Variants in DHRS7C observed in about 807,000 individuals in gnomAD.
The protein encoded by DHRS7C is dehydrogenase/reductase 7C.
Under a neutral mutation model 29.6 loss-of-function variants are expected in DHRS7C, and 28 were observed. That is an observed-to-expected ratio of 0.95 (90% CI 0.70 to 1.30). The LOEUF (loss-of-function observed/expected upper bound fraction) is 1.30, where lower values mean the gene tolerates loss of function less well. DHRS7C is among the 50% of genes most tolerant of loss of function. DHRS7C has a pLI of 0.00. For synonymous variants in DHRS7C, 158 were observed against 160.2 expected (o/e 0.99, Z 0.10); for missense variants, 403 against 393.3 (o/e 1.02, Z -0.21).
rs117075982 is a variant in DHRS7C at position 9,774,015 on chromosome 17, G to A, written c.572-1093C>T. 0.063 allele frequency among the ~76,000 whole-genome samples: 9,609 copies of A among 152,190 alleles called. 399 individuals are homozygous for A. The highest frequency in any genetic ancestry group is 0.094 in the Non-Finnish European group (6,421 of 67,992). On this transcript the variant is annotated intron_variant, in intron 4 of 5. Coordinates refer to ENST00000571134, the MANE Select transcript of DHRS7C (RefSeq NM_001105571.3). The surrounding 1 kb of genome is among the most constrained non-coding windows in gnomAD (Gnocchi z 5.0). ...TGGGATTACAGGCGTGAGCCACCACGCCCAGCAAAACCATGCACTTTAAAC... is the reference window on the plus strand; with the variant it reads ...TGGGATTACAGGCGTGAGCCACCACACCCAGCAAAACCATGCACTTTAAAC...
chr17:9,784,467 A>G (rs1353295882), intron 1 of DHRS7C, among the ~76,000 whole-genome samples: 1 of 152,118 alleles, frequency 6.6e-6, no homozygotes, highest in Non-Finnish European at 1.5e-5. Flanking sequence ...GTGAGACTCC[A>G]TCTCAAAAAA....
chr17:9,782,547 G>A (rs2066398928), intron 1 of DHRS7C, among the ~76,000 whole-genome samples: 1 of 115,076 alleles, frequency 8.7e-6, no homozygotes, highest in African/African-American at 2.8e-5. Context: ...GTCACTGATG[G>A]GGCTGCCCTC....
chr17:9,790,984 T>G, intron 1 of DHRS7C, 147 bp downstream of exon 1: 1 of 995,748 alleles, frequency 1.0e-6, no homozygotes, highest in Non-Finnish European at 1.4e-6. Flanking sequence ...ACTTGCTGGT[T>G]AATGATAGAA....
At chr17:9,776,325 A>T (rs2066362380) in intron 4 of DHRS7C, among the ~76,000 whole-genome samples, 1 of 152,208 alleles carries the variant, frequency 6.6e-6, no homozygotes, top group African/African-American at 2.4e-5. Flanking sequence ...AGCCAGGGAG[A>T]AGGGTCCCAG....
In DHRS7C at chr17:9,774,763, G is replaced by C. The variant is rs1037621442; in HGVS notation, c.572-1841C>G. Among the ~76,000 whole-genome samples the C allele has an allele frequency of 1.3e-5, 2 of 152,156 alleles. No homozygotes were observed. Among genetic ancestry groups the C allele is most frequent in the Non-Finnish European group, 2.9e-5 (2 of 68,038 alleles). ...TGCTCAGGGACACTGAATTCCTTTT[G>C]GGTGGTCAAAAGAAACCTCTGAGTC... is the stretch of plus-strand genomic sequence containing the variant. On this transcript the variant is annotated intron_variant, in intron 4 of 5. Coordinates refer to ENST00000571134, the MANE Select transcript of DHRS7C (RefSeq NM_001105571.3). This position sits in a 1 kb window ranked among gnomAD's most constrained non-coding sequence, Gnocchi z 5.0.
intron 1 of DHRS7C, among the ~76,000 whole-genome samples, chr17:9,787,311 C>A (rs958670685): frequency 1.3e-5 from 2 of 152,200 alleles, no homozygotes; most frequent in Non-Finnish European, 2.9e-5. Flanking sequence ...CCAGATCAAA[C>A]CTCTGGCCTT....
intron 1 of DHRS7C, among the ~76,000 whole-genome samples, chr17:9,786,476 A>G (rs889072785): frequency 3.5e-4 from 53 of 151,878 alleles, no homozygotes; most frequent in African/African-American, 1.2e-3. Context: ...CCCTTGATTC[A>G]TGCTCGCTCA....
chr17:9,780,956 T>C (rs1376011471), intron 2 of DHRS7C, among the ~76,000 whole-genome samples: 1 of 152,182 alleles, frequency 6.6e-6, no homozygotes, highest in East Asian at 1.9e-4. Flanking sequence ...CGAATTACTT[T>C]GAGCCAGCAA....
intron 1 of DHRS7C, among the ~76,000 whole-genome samples, chr17:9,785,014 T>A (rs1225380059): frequency 1.3e-5 from 2 of 152,244 alleles, no homozygotes; most frequent in Non-Finnish European, 1.5e-5. Flanking sequence ...AATCTACATA[T>A]CTATATGTAA....
intron 4 of DHRS7C, 59 bp downstream of exon 4, chr17:9,777,134 T>C (rs2272033): frequency 0.25 from 359,672 of 1,434,652 alleles, 45,840 homozygotes; most frequent in East Asian, 0.36. Context: ...ATAACAGCTC[T>C]TGCCTTATAC....
At chr17:9,785,448 G>A (rs1312413086) in intron 1 of DHRS7C, among the ~76,000 whole-genome samples, 1 of 152,182 alleles carries the variant, frequency 6.6e-6, no homozygotes, top group Non-Finnish European at 1.5e-5. Flanking sequence ...TTCATTGGGG[G>A]TGGCCTGCAG....
rs1436131597 is a variant in DHRS7C, at chr17:9,774,779, C to T, written c.572-1857G>A. On this transcript the variant is annotated intron_variant, in intron 4 of 5. Coordinates refer to ENST00000571134, the MANE Select transcript of DHRS7C (RefSeq NM_001105571.3). The surrounding 1 kb of genome is among the most constrained non-coding windows in gnomAD (Gnocchi z 5.0). ...ATTCCTTTTGGGTGGTCAAAAGAAACCTCTGAGTCGGCAGACCCCAGGTCA... is the reference window on the plus strand; with the variant it reads ...ATTCCTTTTGGGTGGTCAAAAGAAATCTCTGAGTCGGCAGACCCCAGGTCA... Among the ~76,000 whole-genome samples the T allele has an allele frequency of 1.3e-5, 2 of 152,138 alleles. No homozygotes were observed. The highest frequency in any genetic ancestry group is 2.9e-5 in the Non-Finnish European group (2 of 68,028).
At chr17:9,782,511 C>T (rs1201300913) in intron 1 of DHRS7C, among the ~76,000 whole-genome samples, 1 of 152,046 alleles carries the variant, frequency 6.6e-6, no homozygotes, top group African/African-American at 2.4e-5. Context: ...GCAAGAGGAT[C>T]GGCCTTTGTA....
chr17:9,779,382 CT>C (rs1213661717), intron 3 of DHRS7C, among the ~76,000 whole-genome samples: 15 of 152,176 alleles, frequency 9.9e-5, no homozygotes, highest in Admixed American at 7.2e-4. Flanking sequence ...GTGATAAGCC[CT>C]TTTTCTTCTT....
At chr17:9,777,940 T>C (rs1276325284) in intron 3 of DHRS7C, among the ~76,000 whole-genome samples, 1 of 152,172 alleles carries the variant, frequency 6.6e-6, no homozygotes, top group Non-Finnish European at 1.5e-5. Context: ...ACAGATTTCC[T>C]CCTAAAGTGA....
chr17:9,781,558 A>T lies in DHRS7C; in HGVS notation c.191T>A (p.Leu64Gln). The change falls in exon 2 of 6, where the codon CTG (leucine) becomes CAG (glutamine). Residue 64 changes from leucine to glutamine, a missense_variant. Physicochemically the swap from Leu to Gln is moderately radical, Grantham distance 113. Transcript: ENST00000571134. Reference sequence around the variant, plus strand: ...CTCCCAGTTCTTTCCACACAGCACCAGCCTTGCCCCACCTGTGTGGAACAC... The same window carrying T: ...CTCCCAGTTCTTTCCACACAGCACCTGCCTTGCCCCACCTGTGTGGAACAC... ...ARVFHTGGAR[L>Q]VLCGKNWERL... is the part of the protein sequence containing the mutation. The T allele has an allele frequency of 6.2e-7, 1 of 1,614,002 alleles. No homozygotes were observed. The highest frequency in any genetic ancestry group is 1.3e-5 in the African/African-American group (1 of 75,062).
In DHRS7C at chr17:9,775,479, C is replaced by T. The variant is rs1276735703; in HGVS notation, c.571+1714G>A. Among the ~76,000 whole-genome samples the T allele has an allele frequency of 6.6e-6, 1 of 152,160 alleles. No homozygotes were observed. Among genetic ancestry groups the T allele is most frequent in the Admixed American group, 6.5e-5 (1 of 15,272 alleles). On this transcript the variant is annotated intron_variant, in intron 4 of 5. Coordinates refer to ENST00000571134, the MANE Select transcript of DHRS7C (RefSeq NM_001105571.3). The surrounding 1 kb of genome is among the most constrained non-coding windows in gnomAD (Gnocchi z 4.2). ...GGGGCTTTGGACATTGAGCACGGCTCCTCCACAGTCTCTTTCCTCTTCTTG... is the reference window on the plus strand; with the variant it reads ...GGGGCTTTGGACATTGAGCACGGCTTCTCCACAGTCTCTTTCCTCTTCTTG...
In DHRS7C at chr17:9,771,930, A is replaced by G. The variant is rs571412158; in HGVS notation, c.728-234T>C. 3.3e-5 allele frequency among the ~76,000 whole-genome samples: 5 copies of G among 152,306 alleles called. No individual in the cohort carries two copies. In the South Asian group the frequency reaches 8.3e-4, roughly 25 times the overall value. On this transcript the variant is annotated intron_variant, in intron 5 of 5. Transcript: ENST00000571134. ...ATGGACCTGGTTTCCTGCCCTGATA[A>G]TTTCGGAGGGCGGTTACGTGTGGGG...
intron 2 of DHRS7C, 75 bp downstream of exon 2, chr17:9,781,407 A>C: frequency 5.0e-6 from 7 of 1,405,468 alleles, no homozygotes; most frequent in Middle Eastern, 1.8e-4. Flanking sequence ...ACTTGGTCCA[A>C]GAGCTGGTCC....
Sources: gnomAD v4.1 joint callset for allele counts (sites outside exome capture counted in the v4.1 genomes callset) on GRCh38, gnomAD v4.1.1 for gene constraint, Gnocchi (gnomAD v3.1) non-coding constraint, MANE v1.5 for transcripts, NCBI Gene and HGNC (gene_info 2026-07-23, HGNC 2026-07-21) for gene names.